SUSD6: variants seen among roughly 807,000 people sequenced by gnomAD.
SUSD6 encodes the protein sushi domain-containing protein 6.
In SUSD6, 16 loss-of-function variants were observed where a neutral mutation model predicts 28.4. That is an observed-to-expected ratio of 0.56 (90% CI 0.38 to 0.86). The LOEUF (loss-of-function observed/expected upper bound fraction) is 0.86, where lower values mean the gene tolerates loss of function less well. SUSD6 is among the 40% of genes least tolerant of loss of function. The pLI is 0.00. For synonymous variants in SUSD6, 147 were observed against 159.6 expected, an observed-to-expected ratio of 0.92 and a Z score of 0.59; for missense variants, 341 against 384.2, an observed-to-expected ratio of 0.89 and a Z score of 0.94.
intron 1 of SUSD6, among the ~76,000 whole-genome samples, chr14:69,637,450 C>T (rs1403940559): frequency 6.6e-6 from 1 of 152,086 alleles, no homozygotes; most frequent in Non-Finnish European, 1.5e-5. Flanking sequence ...GAATGAATGT[C>T]CCCCCCTAAC....
chr14:69,654,905 C>T (rs1045789677), intron 1 of SUSD6, among the ~76,000 whole-genome samples: 2 of 150,654 alleles, frequency 1.3e-5, no homozygotes, highest in East Asian at 2.0e-4. Flanking sequence ...AGCGATTCTC[C>T]TGCCTCAGCC....
intron 2 of SUSD6, among the ~76,000 whole-genome samples, chr14:69,667,971 A>G (rs1373090418): frequency 2.0e-5 from 3 of 152,184 alleles, no homozygotes; most frequent in Non-Finnish European, 2.9e-5. Context: ...CAACACACGC[A>G]TTGTGGGAAA....
chr14:69,709,748 A>G (rs1355215637), intron 5 of SUSD6, among the ~76,000 whole-genome samples: 1 of 152,214 alleles, frequency 6.6e-6, no homozygotes, highest in Non-Finnish European at 1.5e-5. Flanking sequence ...CAATCATAGA[A>G]TGAAATTACT....
chr14:69,673,324 A>G (rs1311852957), intron 2 of SUSD6, among the ~76,000 whole-genome samples: 1 of 152,186 alleles, frequency 6.6e-6, no homozygotes, highest in Non-Finnish European at 1.5e-5. Context: ...AAAAATGTGC[A>G]TGTCTACCAA....
At position 69,712,219 on chromosome 14, in the gene SUSD6, C is replaced by T. The variant is rs1289969202; in HGVS notation, c.*1240C>T. 2.0e-5 allele frequency: 3 copies of T among 152,628 alleles called. No individual in the cohort carries two copies. The highest frequency in any genetic ancestry group is 2.9e-5 in the Non-Finnish European group (2 of 68,370). 9.5% of individuals were successfully genotyped at this position (152,628 alleles called of 1,614,324 possible). On this transcript the variant is annotated 3_prime_UTR_variant, in exon 6 of 6. Coordinates refer to ENST00000342745, the MANE Select transcript of SUSD6 (RefSeq NM_014734.4). ...CGCATGTCACAGCTGACAAGCAATT[C>T]CTTGTCTTCCCTGGCCCCCTGGGGG... is the stretch of plus-strand genomic sequence containing the variant.
chr14:69,692,649 T>A (rs956014701), intron 2 of SUSD6, among the ~76,000 whole-genome samples: 1 of 152,218 alleles, frequency 6.6e-6, no homozygotes, highest in African/African-American at 2.4e-5. Flanking sequence ...TAAATTTGAT[T>A]GTGTGTTTCT....
chr14:69,641,550 G>T (rs1421526402), intron 1 of SUSD6, among the ~76,000 whole-genome samples: 1 of 151,790 alleles, frequency 6.6e-6, no homozygotes, highest in Non-Finnish European at 1.5e-5. Flanking sequence ...TTTATTTCAG[G>T]TATTGGTATT....
chr14:69,626,303 T>C (rs1357501982), intron 1 of SUSD6, among the ~76,000 whole-genome samples: 1 of 152,200 alleles, frequency 6.6e-6, no homozygotes, highest in Non-Finnish European at 1.5e-5. Flanking sequence ...CCTTCCCACA[T>C]GTGCCCTGCT....
At chr14:69,678,839 G>T (rs1207836497) in intron 2 of SUSD6, among the ~76,000 whole-genome samples, 2 of 152,086 alleles carry the variant, frequency 1.3e-5, no homozygotes, top group Non-Finnish European at 2.9e-5. Flanking sequence ...AAAAGAAGTT[G>T]TTAAAAAAAC....
At chr14:69,644,113 G>C (rs1370709853) in intron 1 of SUSD6, among the ~76,000 whole-genome samples, 2 of 152,088 alleles carry the variant, frequency 1.3e-5, no homozygotes, top group Non-Finnish European at 2.9e-5. Flanking sequence ...ATATACAGTA[G>C]ACCGTAAACT....
At chr14:69,681,503 C>G (rs192425462) in intron 2 of SUSD6, among the ~76,000 whole-genome samples, 1 of 152,162 alleles carries the variant, frequency 6.6e-6, no homozygotes. Context: ...AGACTGCTGA[C>G]GTAAGTGGCC....
chr14:69,636,143 G>A (rs1885262475), intron 1 of SUSD6, among the ~76,000 whole-genome samples: 1 of 152,364 alleles, frequency 6.6e-6, no homozygotes, highest in Admixed American at 6.5e-5. Context: ...TTTAGATTCT[G>A]TAGAGGGTTA....
At chr14:69,627,133 A>G (rs75430730) in intron 1 of SUSD6, among the ~76,000 whole-genome samples, 6,081 of 152,302 alleles carry the variant, frequency 0.04, 169 homozygotes, top group Non-Finnish European at 0.061. Context: ...TCCCACCACC[A>G]TGGTGGAAGT....
Position 69,713,278 on chromosome 14 carries a change from C to G in SUSD6, c.*2299C>G, listed in dbSNP as rs759429972. 5 of 152,272 alleles carry G rather than the reference C, an allele frequency of 3.3e-5. No homozygotes were observed. Among genetic ancestry groups the G allele is most frequent in the Non-Finnish European group, 5.9e-5 (4 of 68,092 alleles). 9.4% of individuals were successfully genotyped at this position (152,272 alleles called of 1,614,324 possible). ...CTGAAGCCTCTTTCCGCCCTGCCCT[C>G]CACTAACAACACTGAGGAGCACAAG... is the stretch of plus-strand genomic sequence containing the variant. On this transcript the variant is annotated 3_prime_UTR_variant, in exon 6 of 6. Coordinates refer to ENST00000342745, the MANE Select transcript of SUSD6 (RefSeq NM_014734.4).
rs1452037591 is a variant in SUSD6, at chr14:69,703,535, A to G, written c.262A>G (p.Thr88Ala). The change falls in exon 3 of 6, where the codon ACG (threonine) becomes GCG (alanine). Residue 88 changes from threonine (T) to alanine (A), a missense_variant. By Grantham distance (58) the Thr-to-Ala change is moderately conservative. Transcript: ENST00000342745. ...YMLKGDYKYL[T>A]CKNGEWKPAM... Reference sequence around the variant, plus strand: ...GTTGAAGGGCGATTACAAATACCTGACGTGTAAGAATGGCGAGTGGAAACC... The same window carrying G: ...GTTGAAGGGCGATTACAAATACCTGGCGTGTAAGAATGGCGAGTGGAAACC... 1.9e-6 allele frequency: 3 copies of G among 1,614,060 alleles called. No individual in the cohort carries two copies. The highest frequency in any genetic ancestry group is 2.7e-5 in the African/African-American group (2 of 74,924).
rs1451356570 is a variant in SUSD6 at position 69,711,044 on chromosome 14, T to C, written c.*65T>C. The C allele has an allele frequency of 6.6e-6, 10 of 1,512,200 alleles. No homozygotes were observed. The highest frequency in any genetic ancestry group is 2.2e-5 in the South Asian group (2 of 89,018). The allele number at this position is 1,512,200 out of a possible 1,614,324, so 93.7% of individuals were successfully genotyped here. ...GCCCTTCCTCCCTCTCCCTGTGGGA[T>C]TGAGCACCCTGTACTCTCCAGCCAC... On this transcript the variant is annotated 3_prime_UTR_variant, in exon 6 of 6. Coordinates refer to ENST00000342745, the MANE Select transcript of SUSD6 (RefSeq NM_014734.4).
intron 1 of SUSD6, among the ~76,000 whole-genome samples, chr14:69,647,933 C>G (rs982805791): frequency 6.6e-6 from 1 of 152,014 alleles, no homozygotes; most frequent in Admixed American, 6.6e-5. Flanking sequence ...TGCCGTGAGC[C>G]GAGATTGCGC....
intron 2 of SUSD6, among the ~76,000 whole-genome samples, chr14:69,673,640 C>T (rs1349237096): frequency 4.6e-5 from 7 of 152,158 alleles, no homozygotes; most frequent in Non-Finnish European, 1.0e-4. Flanking sequence ...TACTACCCTA[C>T]AGCAAGGAGC....
chr14:69,686,224 T>C (rs1011897081), intron 2 of SUSD6, among the ~76,000 whole-genome samples: 4 of 152,200 alleles, frequency 2.6e-5, no homozygotes, highest in African/African-American at 9.7e-5. Flanking sequence ...AAAACACACA[T>C]AGCCAAAGAA....
Sources: gnomAD v4.1 joint callset for allele counts (sites outside exome capture counted in the v4.1 genomes callset) on GRCh38, gnomAD v4.1.1 for gene constraint, MANE v1.5 for transcripts, NCBI Gene and HGNC (gene_info 2026-07-23, HGNC 2026-07-21) for gene names.